The following SEC63 variants were observed in gnomAD, a reference collection of about 807,000 sequenced individuals.
SEC63 encodes the protein translocation protein SEC63 homolog.
A neutral mutation model predicts 116.2 loss-of-function variants in SEC63; 56 were observed. The ratio of observed to expected loss-of-function variants is 0.48; its 90% CI spans 0.39 to 0.60. SEC63 has a LOEUF of 0.60. Ranked by LOEUF, SEC63 falls within the 20% of genes least tolerant of loss-of-function variation. SEC63 has a pLI of 0.00. For missense variants in SEC63, 668 were observed against 900.0 expected (o/e 0.74, Z 3.30); for synonymous variants, 273 against 294.6 (o/e 0.93, Z 0.75).
At chr6:107,887,867 TG>T (rs748281196) in intron 16 of SEC63, among the ~76,000 whole-genome samples, 2 of 152,224 alleles carry the variant, frequency 1.3e-5, no homozygotes, top group Non-Finnish European at 2.9e-5. Flanking sequence ...CCCCATTGCT[TG>T]TTTTTAACAG....
At chr6:107,875,897 T>C (rs1786252279) in intron 19 of SEC63, among the ~76,000 whole-genome samples, 2 of 152,152 alleles carry the variant, frequency 1.3e-5, no homozygotes, top group African/African-American at 2.4e-5. Context: ...AGCCCATCAA[T>C]TCGACCTCTA....
At chr6:107,891,442 T>C (rs541223234) in intron 16 of SEC63, among the ~76,000 whole-genome samples, 3 of 152,032 alleles carry the variant, frequency 2.0e-5, no homozygotes, top group Non-Finnish European at 2.9e-5. Context: ...TTCTCTAAAC[T>C]GGTTATTCTA....
intron 8 of SEC63, among the ~76,000 whole-genome samples, chr6:107,907,507 A>C (rs1787172340): frequency 6.6e-6 from 1 of 152,184 alleles, no homozygotes; most frequent in South Asian, 2.1e-4. Context: ...GCTTGCACCC[A>C]GGAGGCAGAC....
chr6:107,929,886 G>A (rs996423080), intron 1 of SEC63, among the ~76,000 whole-genome samples: 10 of 152,224 alleles, frequency 6.6e-5, no homozygotes, highest in South Asian at 2.1e-4. Flanking sequence ...TTAAAACATG[G>A]TTTATTAAGG....
chr6:107,873,437 T>C (rs1331390693), intron 19 of SEC63, among the ~76,000 whole-genome samples: 1 of 152,196 alleles, frequency 6.6e-6, no homozygotes, highest in Non-Finnish European at 1.5e-5. Context: ...AAGAACAATT[T>C]TTTAAAAATG....
At chr6:107,934,139 C>G (rs971637649) in intron 1 of SEC63, among the ~76,000 whole-genome samples, 12 of 151,798 alleles carry the variant, frequency 7.9e-5, no homozygotes, top group Non-Finnish European at 1.5e-4. Flanking sequence ...TGCCCCGCCG[C>G]CACCCCGTCT....
At chr6:107,943,878 C>A (rs1036928357) in intron 1 of SEC63, among the ~76,000 whole-genome samples, 3 of 152,198 alleles carry the variant, frequency 2.0e-5, no homozygotes, top group Non-Finnish European at 4.4e-5. Context: ...CAGATTGAGA[C>A]AGATCCCTGA....
chr6:107,911,005 C>T (rs1787271616), intron 7 of SEC63, among the ~76,000 whole-genome samples: 3 of 152,204 alleles, frequency 2.0e-5, no homozygotes, highest in African/African-American at 7.2e-5. Flanking sequence ...GCCACCATGC[C>T]CGGTCAGTTG....
Position 107,870,294 on chromosome 6 carries a change from C to A in SEC63, c.*1410G>T, listed in dbSNP as rs1044981574. On this transcript the variant is annotated 3_prime_UTR_variant, in exon 21 of 21. Coordinates refer to ENST00000369002, the MANE Select transcript of SEC63 (RefSeq NM_007214.5). ...AAATATTACATCTTAAATTTAGAAC[C>A]AAAAAAACCATTCATGGTTTTGCTA... 3.9e-5 allele frequency: 6 copies of A among 152,538 alleles called. No individual in the cohort carries two copies. Among genetic ancestry groups the A allele is most frequent in the African/African-American group, 1.4e-4 (6 of 41,476 alleles). 9.4% of individuals were successfully genotyped at this position (152,538 alleles called of 1,614,324 possible). A position where few individuals can be genotyped will look rare whatever the true frequency, so the allele number is the denominator to read the frequency against.
At chr6:107,937,015 C>A (rs1160547022) in intron 1 of SEC63, among the ~76,000 whole-genome samples, 1 of 151,980 alleles carries the variant, frequency 6.6e-6, no homozygotes, top group African/African-American at 2.4e-5. Context: ...TTTTCTGTTT[C>A]TGCATTAATT....
At chr6:107,897,771 T>A in intron 13 of SEC63, 40 bp from the exon 14 acceptor site, 1 of 1,383,482 alleles carries the variant, frequency 7.2e-7, no homozygotes, top group Non-Finnish European at 1.0e-6. Context: ...AAAATAAAAA[T>A]CAAGTTCTAT....
At position 107,906,564 on chromosome 6, in the gene SEC63, C is replaced by A; in HGVS notation, c.845G>T (p.Gly282Val). 6.2e-7 allele frequency: 1 copy of A among 1,612,994 alleles called. No homozygotes were observed. Among genetic ancestry groups the A allele is most frequent in the Non-Finnish European group, 8.5e-7 (1 of 1,179,114 alleles). ...ILIPQLIREI[G>V]SINLKKNEPP... ...CTCATTCTTCTTTAAATTAATGCTG[C>A]CAATTTCTCTGATTAGCTAGAATAA... The change falls in exon 10 of 21, where the codon GGC becomes GTC. Residue 282 changes from glycine (G) to valine (V), a missense_variant. Transcript: ENST00000369002.
intron 5 of SEC63, 92 bp downstream of exon 5, chr6:107,913,274 T>C: frequency 1.1e-6 from 1 of 888,522 alleles, no homozygotes; most frequent in South Asian, 1.4e-5. Flanking sequence ...AGTATAAGTT[T>C]AGTAAGAAAA....
chr6:107,917,206 C>T (rs1787426049), intron 4 of SEC63, among the ~76,000 whole-genome samples: 2 of 152,214 alleles, frequency 1.3e-5, no homozygotes, highest in Non-Finnish European at 2.9e-5. Context: ...TTAATTCGGC[C>T]CATCCCTTCA....
intron 18 of SEC63, among the ~76,000 whole-genome samples, chr6:107,880,369 C>G (rs1168987571): frequency 6.6e-6 from 1 of 152,220 alleles, no homozygotes; most frequent in African/African-American, 2.4e-5. Flanking sequence ...GTGAGGCAGT[C>G]TGTGGAACAG....
chr6:107,918,298 G>A (rs374238183), intron 4 of SEC63, among the ~76,000 whole-genome samples: 25 of 152,016 alleles, frequency 1.6e-4, no homozygotes, highest in Non-Finnish European at 3.4e-4. Flanking sequence ...GACAACGCAC[G>A]TGGTCACTCA....
At position 107,909,304 on chromosome 6, in the gene SEC63, G is replaced by C. The variant is rs546275439; in HGVS notation, c.625-269C>G. The C allele has an allele frequency of 8.2e-5, 32 of 391,562 alleles. No homozygotes were observed. In the Admixed American group the frequency reaches 1.0e-3, roughly 12 times the overall value. The allele number at this position is 391,562 out of a possible 1,614,324, so 24.3% of individuals were successfully genotyped here. A position where few individuals can be genotyped will look rare whatever the true frequency, so the allele number is the denominator to read the frequency against. ...GAGGTGGGAAGATTGCTAGAGTCCAGGAGGTCAGGGCTGCAGTAGCCATGA... is the reference window on the plus strand; with the variant it reads ...GAGGTGGGAAGATTGCTAGAGTCCACGAGGTCAGGGCTGCAGTAGCCATGA... On this transcript the variant is annotated intron_variant, in intron 7 of 20. Coordinates refer to ENST00000369002, the MANE Select transcript of SEC63 (RefSeq NM_007214.5).
chr6:107,957,070 C>A (rs1770725067), intron 1 of SEC63, among the ~76,000 whole-genome samples: 1 of 151,910 alleles, frequency 6.6e-6, no homozygotes, highest in African/African-American at 2.4e-5. Flanking sequence ...GCAAACATTA[C>A]CCAAACATCA....
chr6:107,903,135 A>C (rs1210818883), intron 11 of SEC63, 137 bp from the exon 12 acceptor site: 1 of 875,960 alleles, frequency 1.1e-6, no homozygotes, highest in African/African-American at 1.7e-5. Context: ...TTTTCCTTTA[A>C]AAGTTACCAG....
Sources: gnomAD v4.1 joint callset for allele counts (sites outside exome capture counted in the v4.1 genomes callset) on GRCh38, gnomAD v4.1.1 for gene constraint, MANE v1.5 for transcripts, NCBI Gene and HGNC (gene_info 2026-07-23, HGNC 2026-07-21) for gene names.